ITGA2: variants seen among roughly 807,000 people sequenced by gnomAD.
ITGA2 encodes integrin alpha-2.
A neutral mutation model predicts 146.3 loss-of-function variants in ITGA2; 101 were observed. The observed-to-expected ratio is 0.69, with a 90% CI of 0.59 to 0.81. The LOEUF is 0.81. Among genes scored for constraint, ITGA2 ranks in the 40% least tolerant of loss-of-function variants. ITGA2 has a pLI of 0.00. For missense variants in ITGA2, 1,281 were observed against 1,402.7 expected, an observed-to-expected ratio of 0.91 and a Z score of 1.39; for synonymous variants, 477 against 487.1, an observed-to-expected ratio of 0.98 and a Z score of 0.27.
Position 52,989,472 on chromosome 5 carries a change from G to A in ITGA2, c.4G>A (p.Gly2Arg). Residue 2 changes from glycine to arginine, a missense_variant, in exon 1 of 30, where the codon GGG becomes AGG. Coordinates refer to ENST00000296585, the MANE Select transcript of ITGA2 (RefSeq NM_002203.4). M[G>R]PERTGAAPLP... ...CGGTCCCCCGGTCAGACCCAGGATG[G>A]GGCCAGAACGGACAGGGGCCGCGCC... The A allele has an allele frequency of 1.9e-6, 3 of 1,614,172 alleles. No individual in the cohort carries two copies. Among genetic ancestry groups the A allele is most frequent in the Non-Finnish European group, 2.5e-6 (3 of 1,180,010 alleles).
chr5:53,071,489 A>T (rs1745394316), intron 17 of ITGA2, among the ~76,000 whole-genome samples: 1 of 151,886 alleles, frequency 6.6e-6, no homozygotes, highest in Non-Finnish European at 1.5e-5. Flanking sequence ...GTCATGGTAG[A>T]CAGGCCCCCA....
In ITGA2 at chr5:53,024,501, T is replaced by A. The variant is rs188822595; in HGVS notation, c.65-2247T>A. Among the ~76,000 whole-genome samples the A allele has an allele frequency of 1.2e-3, 180 of 152,242 alleles. 2 individuals are homozygous for A. In the South Asian group the frequency reaches 0.027, roughly 23 times the overall value. Reference sequence around the variant, plus strand: ...GTAAGAGTGAATAAAAGAAACAAGGTTTGACTTCTCAAGGAGCTTACATTT... The same window carrying A: ...GTAAGAGTGAATAAAAGAAACAAGGATTGACTTCTCAAGGAGCTTACATTT... On this transcript the variant is annotated intron_variant, in intron 1 of 29. Transcript: ENST00000296585.
chr5:53,038,208 A>T (rs1293038520), intron 2 of ITGA2, among the ~76,000 whole-genome samples: 1 of 17,656 alleles, frequency 5.7e-5, no homozygotes, highest in East Asian at 7.0e-4. Context: ...AGGCTCTGAT[A>T]AAAAAAAAAA....
intron 27 of ITGA2, among the ~76,000 whole-genome samples, chr5:53,084,781 C>T (rs773242744): frequency 5.3e-5 from 8 of 150,706 alleles, no homozygotes; most frequent in Admixed American, 1.3e-4. Flanking sequence ...ATTTTGCCAA[C>T]TGGAAGGAAC....
intron 2 of ITGA2, among the ~76,000 whole-genome samples, chr5:53,038,774 A>T (rs1743627426): frequency 6.6e-6 from 1 of 152,158 alleles, no homozygotes; most frequent in Admixed American, 6.6e-5. Context: ...CATCTGTAAA[A>T]TGAAGTGTAA....
chr5:53,065,986 G>A lies in ITGA2; in HGVS notation c.1943+9G>A. On this transcript the variant is annotated intron_variant, in intron 15 of 29. Transcript: ENST00000296585. ...CAAGTGGTTCAACTCTGGTGAGTCAGGAAGAGCCAGACACAAACTAACTAA... is the reference window on the plus strand; with the variant it reads ...CAAGTGGTTCAACTCTGGTGAGTCAAGAAGAGCCAGACACAAACTAACTAA... 1.9e-6 allele frequency: 3 copies of A among 1,611,504 alleles called. No individual in the cohort carries two copies. Among genetic ancestry groups the A allele is most frequent in the Non-Finnish European group, 1.7e-6 (2 of 1,178,260 alleles).
intron 16 of ITGA2, among the ~76,000 whole-genome samples, chr5:53,067,958 A>G (rs1745220671): frequency 6.6e-6 from 1 of 151,838 alleles, no homozygotes; most frequent in Non-Finnish European, 1.5e-5. Flanking sequence ...TTCTGCCCCA[A>G]TTATCTCACC....
At chr5:53,063,867 A>C (rs1308816218) in intron 13 of ITGA2, among the ~76,000 whole-genome samples, 2 of 151,860 alleles carry the variant, frequency 1.3e-5, no homozygotes, top group Non-Finnish European at 2.9e-5. Context: ...CTTACTTGTG[A>C]GATATACTGA....
intron 1 of ITGA2, among the ~76,000 whole-genome samples, chr5:53,023,234 C>A (rs1018374498): frequency 1.2e-4 from 18 of 152,180 alleles, no homozygotes; most frequent in Non-Finnish European, 2.9e-5. Flanking sequence ...ATTAATGAAG[C>A]AACCTATGAC....
intron 2 of ITGA2, 59 bp from the exon 3 acceptor site, chr5:53,042,053 T>A (rs2111884866): frequency 1.0e-6 from 1 of 1,004,572 alleles, no homozygotes; most frequent in Non-Finnish European, 1.6e-6. Context: ...TGTGATCAGG[T>A]TTATCTTTAA....
chr5:53,063,419 AT>A (rs1172163307), intron 13 of ITGA2, among the ~76,000 whole-genome samples: 5 of 151,910 alleles, frequency 3.3e-5, no homozygotes, highest in African/African-American at 1.2e-4. Flanking sequence ...TTAGTGTAAC[AT>A]TTAGGCATGT....
In ITGA2 at chr5:53,084,880, G is replaced by A. The variant is rs3212696; in HGVS notation, c.3258+1427G>A. ...AGTTTAAGACTACATCACTTTAACT[G>A]TGAAACTTTTTAAAGTACCTTCCCA... On this transcript the variant is annotated intron_variant, in intron 27 of 29. Coordinates refer to ENST00000296585, the MANE Select transcript of ITGA2 (RefSeq NM_002203.4). Among the ~76,000 whole-genome samples, 506 of 152,300 alleles carry A rather than the reference G, an allele frequency of 3.3e-3. 2 individuals are homozygous for A. Among genetic ancestry groups the A allele is most frequent in the Non-Finnish European group, 6.0e-3 (410 of 68,026 alleles).
At chr5:53,048,816 A>G in intron 6 of ITGA2, 46 bp downstream of exon 6, 1 of 1,595,430 alleles carries the variant, frequency 6.3e-7, no homozygotes, top group Middle Eastern at 1.7e-4. Flanking sequence ...TTTCTTTCTG[A>G]AAAAAATATT....
intron 14 of ITGA2, among the ~76,000 whole-genome samples, chr5:53,065,570 C>T (rs1364877286): frequency 6.6e-6 from 1 of 151,828 alleles, no homozygotes; most frequent in East Asian, 1.9e-4. Context: ...CCTGAACTTG[C>T]ATCAATTTGC....
intron 2 of ITGA2, among the ~76,000 whole-genome samples, chr5:53,040,677 A>G (rs1181494440): frequency 6.6e-6 from 1 of 152,210 alleles, no homozygotes; most frequent in Non-Finnish European, 1.5e-5. Flanking sequence ...AGGCTGACTG[A>G]ATTAAAGTGT....
chr5:53,081,970 T>G (rs911874160), intron 26 of ITGA2, among the ~76,000 whole-genome samples: 1 of 152,206 alleles, frequency 6.6e-6, no homozygotes, highest in Non-Finnish European at 1.5e-5. Context: ...TTCCAGACTT[T>G]ATGACATCAG....
chr5:53,011,738 G>T (rs1023545767), intron 1 of ITGA2, among the ~76,000 whole-genome samples: 2 of 151,898 alleles, frequency 1.3e-5, no homozygotes, highest in African/African-American at 4.8e-5. Flanking sequence ...TATGTGAGTG[G>T]GGGGGAGTGA....
intron 1 of ITGA2, among the ~76,000 whole-genome samples, chr5:53,024,225 G>A (rs951418493): frequency 6.6e-6 from 1 of 152,168 alleles, no homozygotes; most frequent in Admixed American, 6.6e-5. Context: ...ACTCAAATGA[G>A]TCAGGATGAT....
intron 2 of ITGA2, among the ~76,000 whole-genome samples, chr5:53,029,620 G>T (rs958027268): frequency 6.6e-6 from 1 of 152,116 alleles, no homozygotes; most frequent in Admixed American, 6.5e-5. Context: ...AGCCTTACAG[G>T]TGGATTTATT....
Sources: gnomAD v4.1 joint callset for allele counts (sites outside exome capture counted in the v4.1 genomes callset) on GRCh38, gnomAD v4.1.1 for gene constraint, MANE v1.5 for transcripts, NCBI Gene and HGNC (gene_info 2026-07-23, HGNC 2026-07-21) for gene names.